SLC25A24: variants seen among roughly 807,000 people sequenced by gnomAD.
The protein encoded by SLC25A24 is mitochondrial adenyl nucleotide antiporter SLC25A24.
A neutral mutation model predicts 60.7 loss-of-function variants in SLC25A24; 49 were observed. That is an observed-to-expected ratio of 0.81 (90% CI 0.64 to 1.02). SLC25A24 has a LOEUF of 1.02. Ranked by LOEUF, SLC25A24 falls within the 50% of genes least tolerant of loss-of-function variation. The pLI is 0.00. For missense variants in SLC25A24, 564 were observed against 586.3 expected (o/e 0.96, Z 0.39); for synonymous variants, 202 against 200.6 (o/e 1.01, Z -0.06).
chr1:108,157,108 T>G (rs6677101), intron 5 of SLC25A24, among the ~76,000 whole-genome samples: 76,953 of 152,020 alleles, frequency 0.51, 20,051 homozygotes, highest in African/African-American at 0.63. Flanking sequence ...TGCTCTAAGA[T>G]TCTAGATTTC....
chr1:108,187,189 G>T (rs1404106822), intron 1 of SLC25A24, among the ~76,000 whole-genome samples: 1 of 152,136 alleles, frequency 6.6e-6, no homozygotes, highest in African/African-American at 2.4e-5. Flanking sequence ...CTTGTGAGCT[G>T]CAACTAAAGC....
intron 4 of SLC25A24, among the ~76,000 whole-genome samples, chr1:108,159,285 A>C (rs1445491037): frequency 6.6e-6 from 1 of 152,234 alleles, no homozygotes; most frequent in African/African-American, 2.4e-5. Context: ...ACAGATCCTT[A>C]GCAACCATGA....
At chr1:108,180,630 C>CTCTCTCTCTA (rs1647889278) in intron 3 of SLC25A24, among the ~76,000 whole-genome samples, 1 of 33,790 alleles carries the variant, frequency 3.0e-5, no homozygotes. Context: ...CTCTCTCTCT[C>CTCTCTCTCTA]TCTCTCTCTC....
intron 6 of SLC25A24, among the ~76,000 whole-genome samples, chr1:108,152,347 C>T (rs1368593736): frequency 2.6e-5 from 4 of 151,888 alleles, no homozygotes; most frequent in Non-Finnish European, 5.9e-5. Flanking sequence ...GTTTCCAATC[C>T]TTATCTTCCC....
intron 3 of SLC25A24, among the ~76,000 whole-genome samples, chr1:108,168,992 G>C (rs1647346098): frequency 6.6e-6 from 1 of 152,174 alleles, no homozygotes; most frequent in Non-Finnish European, 1.5e-5. Flanking sequence ...TTAGGTTGGT[G>C]TTTGTGTACG....
At chr1:108,156,919 C>T (rs569234933) in intron 5 of SLC25A24, among the ~76,000 whole-genome samples, 20 of 152,330 alleles carry the variant, frequency 1.3e-4, no homozygotes, top group African/African-American at 4.8e-4. Flanking sequence ...CTTCACTGGG[C>T]TGCTGCAAGG....
intron 3 of SLC25A24, among the ~76,000 whole-genome samples, chr1:108,173,618 C>G (rs965607736): frequency 1.3e-5 from 2 of 152,134 alleles, no homozygotes; most frequent in Non-Finnish European, 2.9e-5. Flanking sequence ...GACTTTGGAA[C>G]TGGGTAACAG....
chr1:108,188,030 G>A lies in SLC25A24; in HGVS notation c.184-2076C>T, dbSNP rs540530729. ...GGTTATAGTACTATATTTTCACCAT[G>A]GAATACTACACAGCCATAAAGAAGA... On this transcript the variant is annotated intron_variant, in intron 1 of 9. Transcript: ENST00000565488. Among the ~76,000 whole-genome samples the A allele has an allele frequency of 2.8e-4, 41 of 148,494 alleles. No homozygotes were observed. In the East Asian group the frequency reaches 6.0e-3, roughly 22 times the overall value.
intron 3 of SLC25A24, among the ~76,000 whole-genome samples, chr1:108,162,258 G>C (rs1680109362): frequency 6.7e-6 from 1 of 149,020 alleles, no homozygotes; most frequent in South Asian, 2.1e-4. Flanking sequence ...AAACATACAT[G>C]TGCATGTGTC....
At chr1:108,161,753 G>T (rs1253733393) in intron 3 of SLC25A24, among the ~76,000 whole-genome samples, 1 of 151,724 alleles carries the variant, frequency 6.6e-6, no homozygotes, top group Non-Finnish European at 1.5e-5. Context: ...AAAATTAACA[G>T]CTATTATAAA....
chr1:108,157,268 T>C (rs921910475), intron 5 of SLC25A24, among the ~76,000 whole-genome samples, 194 bp downstream of exon 5: 1 of 152,254 alleles, frequency 6.6e-6, no homozygotes, highest in Non-Finnish European at 1.5e-5. Context: ...ACACATGTAC[T>C]AACAATTTAA....
intron 1 of SLC25A24, among the ~76,000 whole-genome samples, chr1:108,187,927 G>GAGATATATATATATATATATATAT (rs1553256780): frequency 1.0e-4 from 10 of 95,774 alleles, no homozygotes; most frequent in African/African-American, 4.2e-4. Context: ...AGACATTATA[G>GAGATATATATATATATATATATAT]ATATATATAT....
chr1:108,168,230 T>C (rs1647283013), intron 3 of SLC25A24, among the ~76,000 whole-genome samples: 1 of 152,218 alleles, frequency 6.6e-6, no homozygotes. Context: ...TAAACTTTCA[T>C]TTGTCCCAGC....
chr1:108,186,890 C>G (rs544389283), intron 1 of SLC25A24, among the ~76,000 whole-genome samples: 1 of 152,034 alleles, frequency 6.6e-6, no homozygotes, highest in South Asian at 2.1e-4. Context: ...CCAACCTGAC[C>G]AACATGGAGA....
intron 3 of SLC25A24, among the ~76,000 whole-genome samples, chr1:108,167,985 T>C (rs1375903332): frequency 6.6e-6 from 1 of 152,218 alleles, no homozygotes; most frequent in African/African-American, 2.4e-5. Flanking sequence ...GACTGTTTTA[T>C]TCCCTTCCTT....
chr1:108,149,092 A>G (rs2101605447), intron 6 of SLC25A24, among the ~76,000 whole-genome samples: 1 of 152,326 alleles, frequency 6.6e-6, no homozygotes, highest in South Asian at 2.1e-4. Flanking sequence ...TATTTTCCCC[A>G]CAGTTTTTAA....
At chr1:108,175,764 CCTT>C (rs777716215) in intron 3 of SLC25A24, among the ~76,000 whole-genome samples, 4 of 152,058 alleles carry the variant, frequency 2.6e-5, no homozygotes, top group African/African-American at 4.8e-5. Context: ...GAAACTGAAA[CCTT>C]CATTCATTGC....
chr1:108,198,864 C>T (rs1648576943), intron 1 of SLC25A24: 1 of 152,220 alleles, frequency 6.6e-6, no homozygotes, highest in Non-Finnish European at 1.5e-5. Flanking sequence ...AATGATTGGA[C>T]ATGGTGGGGA....
intron 4 of SLC25A24, among the ~76,000 whole-genome samples, chr1:108,160,772 A>T (rs968202025): frequency 2.6e-5 from 4 of 152,136 alleles, no homozygotes; most frequent in Non-Finnish European, 5.9e-5. Context: ...ACATAGCGAA[A>T]CCCCGTCTCC....
Sources: gnomAD v4.1 joint callset for allele counts (sites outside exome capture counted in the v4.1 genomes callset) on GRCh38, gnomAD v4.1.1 for gene constraint, MANE v1.5 for transcripts, NCBI Gene and HGNC (gene_info 2026-07-23, HGNC 2026-07-21) for gene names.